The following RBFOX3 variants were observed in gnomAD, a reference collection of about 807,000 sequenced individuals.
RBFOX3 encodes RNA binding protein fox-1 homolog 3.
A neutral mutation model predicts 48.7 loss-of-function variants in RBFOX3; 17 were observed. That is an observed-to-expected ratio of 0.35 (90% confidence interval 0.24 to 0.52). The LOEUF (loss-of-function observed/expected upper bound fraction) is 0.52. RBFOX3 is among the 20% of genes least tolerant of loss of function. The pLI, the probability that RBFOX3 is intolerant of heterozygous loss-of-function variation, is 0.94. For missense variants in RBFOX3, 382 were observed against 497.5 expected, an observed-to-expected ratio of 0.77 and a Z score of 2.21; for synonymous variants, 212 against 209.5, an observed-to-expected ratio of 1.01 and a Z score of -0.10.
At chr17:79,485,719 G>A (rs963767952) in intron 1 of RBFOX3, among the ~76,000 whole-genome samples, 4 of 152,198 alleles carry the variant, frequency 2.6e-5, no homozygotes, top group African/African-American at 9.6e-5. Flanking sequence ...AGACACGAGC[G>A]ATCCACAGGC....
intron 3 of RBFOX3, among the ~76,000 whole-genome samples, chr17:79,286,770 C>A (rs188322273): frequency 1.1e-4 from 16 of 152,300 alleles, no homozygotes; most frequent in Middle Eastern, 6.8e-3. Context: ...AACATAGAAG[C>A]TGGAGAGGGA....
rs570750339 is a variant in RBFOX3 at position 79,296,018 on chromosome 17, C to T, written c.-74+11706G>A. Among the ~76,000 whole-genome samples, 8 of 151,302 alleles carry T rather than the reference C, an allele frequency of 5.3e-5. No individual in the cohort carries two copies. In the South Asian group the frequency reaches 1.5e-3, roughly 28 times the overall value. On this transcript the variant is annotated intron_variant, in intron 3 of 14. Coordinates refer to ENST00000693108, the MANE Select transcript of RBFOX3 (RefSeq NM_001350451.2). The stretch of plus-strand genomic sequence containing the variant: ...TCATTCTTCCATTTCCCAATTACAA[C>T]AGGGTGGGGCTGGGCTTGGGGGAGG...
Position 79,311,503 on chromosome 17 carries a change from C to CCGA in RBFOX3, c.-174-3680_-174-3679insTCG, listed in dbSNP as rs1416326561. On this transcript the variant is annotated intron_variant, in intron 2 of 14. Coordinates refer to ENST00000693108, the MANE Select transcript of RBFOX3 (RefSeq NM_001350451.2). This position sits in a 1 kb window ranked among gnomAD's most constrained non-coding sequence, Gnocchi z 4.2. ...CTGAGGTTCCAGCCTGTCCACCCAT[C>CCGA]CTACAGAGTTCAGATTCGGCAGCCT... Among the ~76,000 whole-genome samples the CCGA allele has an allele frequency of 6.6e-6, 1 of 151,910 alleles. No individual in the cohort carries two copies. Among genetic ancestry groups the CCGA allele is most frequent in the Non-Finnish European group, 1.5e-5 (1 of 68,006 alleles).
At chr17:79,408,693 G>A (rs1230628822) in intron 2 of RBFOX3, among the ~76,000 whole-genome samples, 9 of 152,180 alleles carry the variant, frequency 5.9e-5, no homozygotes, top group Admixed American at 5.9e-4. Flanking sequence ...GTTTGGCTGA[G>A]TTAATGCCAA....
intron 4 of RBFOX3, among the ~76,000 whole-genome samples, chr17:79,227,261 A>T (rs2060415817): frequency 6.6e-6 from 1 of 152,200 alleles, no homozygotes; most frequent in Non-Finnish European, 1.5e-5. Context: ...AGGTCCAGCG[A>T]AGCAGCGAGC....
chr17:79,135,319 A>G (rs2039936576), intron 4 of RBFOX3, among the ~76,000 whole-genome samples: 2 of 152,022 alleles, frequency 1.3e-5, no homozygotes, highest in Admixed American at 1.3e-4. Flanking sequence ...GTCCCTGGGG[A>G]AGGAGCCAGG....
chr17:79,377,699 C>CACCG (rs997328471), intron 2 of RBFOX3, among the ~76,000 whole-genome samples: 19 of 152,188 alleles, frequency 1.2e-4, no homozygotes, highest in African/African-American at 4.3e-4. Context: ...GGGCTTGGGA[C>CACCG]ACCGCTTGGG....
At chr17:79,180,929 C>G (rs1406875214) in intron 4 of RBFOX3, among the ~76,000 whole-genome samples, 2 of 152,180 alleles carry the variant, frequency 1.3e-5, no homozygotes, top group Admixed American at 6.5e-5. Flanking sequence ...TCCCACTGCC[C>G]CTACAGAAAG....
At chr17:79,515,023 C>T (rs1403811534) in intron 1 of RBFOX3, among the ~76,000 whole-genome samples, 1 of 152,210 alleles carries the variant, frequency 6.6e-6, no homozygotes, top group Non-Finnish European at 1.5e-5. Context: ...ATTCTCCCGA[C>T]TCTCCAACAC....
rs150689751 is a variant in RBFOX3, at chr17:79,214,385, C to T, written c.-34+21381G>A. Among the ~76,000 whole-genome samples, 187 of 152,314 alleles carry T rather than the reference C, an allele frequency of 1.2e-3. No individual in the cohort carries two copies. Among genetic ancestry groups the T allele is most frequent in the African/African-American group, 3.9e-3 (164 of 41,578 alleles). ...TCCTCATTAATTAGACAAGCCCTCC[C>T]GCCCGCAGGTCCAGCAACCAGGGAG... On this transcript the variant is annotated intron_variant, in intron 4 of 14. Transcript: ENST00000693108. The surrounding 1 kb of genome is among the most constrained non-coding windows in gnomAD (Gnocchi z 4.7).
chr17:79,331,727 C>T (rs1598290354), intron 2 of RBFOX3, among the ~76,000 whole-genome samples: 1 of 152,338 alleles, frequency 6.6e-6, no homozygotes, highest in South Asian at 2.1e-4. Context: ...GAACTAAAAG[C>T]GTGCTGTGGC....
chr17:79,256,200 C>T (rs1023669664), intron 3 of RBFOX3, among the ~76,000 whole-genome samples: 2 of 152,074 alleles, frequency 1.3e-5, no homozygotes, highest in African/African-American at 4.8e-5. Flanking sequence ...CTCATCACTC[C>T]CTCTTAGCTC....
chr17:79,566,859 C>T (rs1049384154), intron 1 of RBFOX3, among the ~76,000 whole-genome samples: 10 of 152,244 alleles, frequency 6.6e-5, no homozygotes, highest in Non-Finnish European at 1.3e-4. Context: ...GGGACAGGTC[C>T]AAGCCCCATC....
chr17:79,519,752 G>A (rs1267451576), intron 1 of RBFOX3, among the ~76,000 whole-genome samples: 1 of 152,130 alleles, frequency 6.6e-6, no homozygotes, highest in Non-Finnish European at 1.5e-5. Context: ...GCACCTGGGT[G>A]GTCAGTCACG....
chr17:79,185,131 G>A (rs2053135049), intron 4 of RBFOX3, among the ~76,000 whole-genome samples: 1 of 152,226 alleles, frequency 6.6e-6, no homozygotes, highest in African/African-American at 2.4e-5. Context: ...GGGATGTGGA[G>A]TCCGGGAGGG....
At chr17:79,230,286 G>T (rs1340842769) in intron 4 of RBFOX3, among the ~76,000 whole-genome samples, 1 of 152,088 alleles carries the variant, frequency 6.6e-6, no homozygotes, top group Non-Finnish European at 1.5e-5. Flanking sequence ...TTGAGATGGA[G>T]TCTTGCTTTG....
chr17:79,166,187 C>G (rs2047968125), intron 4 of RBFOX3, among the ~76,000 whole-genome samples: 2 of 152,276 alleles, frequency 1.3e-5, no homozygotes, highest in Admixed American at 1.3e-4. Context: ...ACCTTGGCCC[C>G]AGACAAACTG....
chr17:79,481,571 G>T lies in RBFOX3; in HGVS notation c.-175+883C>A, dbSNP rs968548859. ...GGCTGGCCGTGCACGTGATTAGAGGGTTGGAAATTTCACTCCCCACCTCAG... is the reference window on the plus strand; with the variant it reads ...GGCTGGCCGTGCACGTGATTAGAGGTTTGGAAATTTCACTCCCCACCTCAG... On this transcript the variant is annotated intron_variant, in intron 2 of 14. Coordinates refer to ENST00000693108, the MANE Select transcript of RBFOX3 (RefSeq NM_001350451.2). The surrounding 1 kb of genome is among the most constrained non-coding windows in gnomAD (Gnocchi z 5.4). Among the ~76,000 whole-genome samples, 2 of 152,154 alleles carry T rather than the reference G, an allele frequency of 1.3e-5. No individual in the cohort carries two copies. The highest frequency in any genetic ancestry group is 2.4e-5 in the African/African-American group (1 of 41,420).
chr17:79,212,185 C>A lies in RBFOX3; in HGVS notation c.-34+23581G>T, dbSNP rs1600027846. On this transcript the variant is annotated intron_variant, in intron 4 of 14. Coordinates refer to ENST00000693108, the MANE Select transcript of RBFOX3 (RefSeq NM_001350451.2). The surrounding 1 kb of genome is among the most constrained non-coding windows in gnomAD (Gnocchi z 4.7). ...TGGCCCCAGGGAGAAGGGCTGGGGT[C>A]TCTGGACTCTTCTCCAGGAAAACCT... Among the ~76,000 whole-genome samples the A allele has an allele frequency of 6.6e-6, 1 of 152,230 alleles. No individual in the cohort carries two copies. Among genetic ancestry groups the A allele is most frequent in the East Asian group, 1.9e-4 (1 of 5,186 alleles).
Sources: allele counts gnomAD v4.1 joint callset (sites outside exome capture counted in the v4.1 genomes callset), GRCh38; gene constraint gnomAD v4.1.1; non-coding constraint Gnocchi (gnomAD v3.1); transcripts MANE v1.5; gene names NCBI Gene and HGNC (gene_info 2026-07-23, HGNC 2026-07-21).